ATP2C1: variants seen among roughly 807,000 people sequenced by gnomAD.
The protein encoded by ATP2C1 is calcium-transporting ATPase type 2C member 1.
Under a neutral mutation model 120.5 loss-of-function variants are expected in ATP2C1, and 31 were observed. The observed-to-expected ratio is 0.26, with a 90% CI of 0.19 to 0.35. ATP2C1 has a LOEUF of 0.35. Among genes scored for constraint, ATP2C1 ranks in the 10% least tolerant of loss-of-function variants. The pLI, the probability that ATP2C1 is intolerant of heterozygous loss-of-function variation, is 1.00. For missense variants in ATP2C1, 731 were observed against 1,107.5 expected (o/e 0.66, Z 4.83); for synonymous variants, 351 against 358.7 (o/e 0.98, Z 0.24).
intron 1 of ATP2C1, among the ~76,000 whole-genome samples, chr3:130,878,652 G>A (rs1334195483): frequency 1.3e-5 from 2 of 152,044 alleles, no homozygotes; most frequent in African/African-American, 4.8e-5. Flanking sequence ...AGCTTTGCTG[G>A]GTATAGTATT....
intron 26 of ATP2C1, among the ~76,000 whole-genome samples, chr3:131,010,875 C>T (rs1365040182): frequency 6.6e-6 from 1 of 152,214 alleles, no homozygotes; most frequent in African/African-American, 2.4e-5. Flanking sequence ...CTCACTTCTT[C>T]CCACATTCCT....
chr3:130,965,840 A>G (rs1301923813), intron 14 of ATP2C1, among the ~76,000 whole-genome samples: 1 of 152,048 alleles, frequency 6.6e-6, no homozygotes, highest in African/African-American at 2.4e-5. Flanking sequence ...CCTTTTCCCC[A>G]TTATAAGAGA....
intron 4 of ATP2C1, among the ~76,000 whole-genome samples, chr3:130,933,679 G>A (rs62282194): frequency 0.11 from 16,505 of 152,184 alleles, 1,029 homozygotes; most frequent in East Asian, 0.18. Flanking sequence ...CTTGGGGAGT[G>A]CTTAAAAAAT....
At chr3:130,938,973 A>G in intron 6 of ATP2C1, among the ~76,000 whole-genome samples, 1 of 152,348 alleles carries the variant, frequency 6.6e-6, no homozygotes, top group African/African-American at 2.4e-5. Flanking sequence ...ATTAAATGCT[A>G]TGGCTGAGAC....
intron 2 of ATP2C1, among the ~76,000 whole-genome samples, chr3:130,923,864 CAAAAA>C (rs59951169): frequency 2.2e-5 from 2 of 89,046 alleles, no homozygotes; most frequent in Non-Finnish European, 2.5e-5. Flanking sequence ...GACTCTGTCT[CAAAAA>C]AAAAAAAAAA....
chr3:130,968,925 A>G (rs1452955735), intron 16 of ATP2C1, among the ~76,000 whole-genome samples: 2 of 152,118 alleles, frequency 1.3e-5, no homozygotes, highest in East Asian at 3.9e-4. Context: ...GAGAGATTTA[A>G]TCTAAAACTT....
chr3:130,870,189 C>T (rs1387253510), intron 1 of ATP2C1, among the ~76,000 whole-genome samples: 1 of 152,118 alleles, frequency 6.6e-6, no homozygotes, highest in Non-Finnish European at 1.5e-5. Flanking sequence ...AAATAGATTC[C>T]TTTCAAAATA....
At chr3:130,874,123 A>G (rs906695764) in intron 1 of ATP2C1, among the ~76,000 whole-genome samples, 2 of 149,082 alleles carry the variant, frequency 1.3e-5, no homozygotes, top group African/African-American at 5.1e-5. Context: ...AAAAAAAAAG[A>G]AAAAAAGAAA....
intron 1 of ATP2C1, among the ~76,000 whole-genome samples, chr3:130,853,817 C>G (rs759981146): frequency 1.3e-5 from 2 of 152,190 alleles, no homozygotes; most frequent in Non-Finnish European, 2.9e-5. Context: ...CTGAGGCATA[C>G]TGGAGCCTGG....
chr3:130,870,144 A>C (rs1283404095), intron 1 of ATP2C1, among the ~76,000 whole-genome samples: 1 of 152,174 alleles, frequency 6.6e-6, no homozygotes, highest in African/African-American at 2.4e-5. Flanking sequence ...GGCTTACTGA[A>C]TATTTTAAGC....
intron 2 of ATP2C1, among the ~76,000 whole-genome samples, chr3:130,895,208 G>A (rs1363764033): frequency 2.0e-5 from 3 of 152,070 alleles, no homozygotes; most frequent in Admixed American, 1.3e-4. Flanking sequence ...AAGAAAGCAA[G>A]CCATGTTTTA....
rs181703426 is a variant in ATP2C1 at position 130,987,211 on chromosome 3, T to A, written c.1840-5740T>A. 1.6e-3 allele frequency among the ~76,000 whole-genome samples: 251 copies of A among 152,242 alleles called. 5 individuals are homozygous for A. Among genetic ancestry groups the A allele is most frequent in the Non-Finnish European group, 1.6e-3 (106 of 68,008 alleles). On this transcript the variant is annotated intron_variant, in intron 20 of 27. Coordinates refer to ENST00000510168, the MANE Select transcript of ATP2C1 (RefSeq NM_001378687.1). ...GAGTCTCACCACGTGTTGCCCAGAC[T>A]GGTCCTGAACTTCTGGGCTCAAGTG...
chr3:130,941,686 T>G lies in ATP2C1; in HGVS notation c.518T>G (p.Leu173Ter). 1 of 1,613,862 alleles carries G rather than the reference T, an allele frequency of 6.2e-7. No individual in the cohort carries two copies. Among genetic ancestry groups the G allele is most frequent in the South Asian group, 1.1e-5 (1 of 91,082 alleles). Residue 173 changes from leucine to a stop codon, truncating the protein, a stop_gained, in exon 8 of 28, where the codon TTA (leucine) becomes TGA (stop). Transcript: ENST00000510168. LOFTEE classifies it high-confidence loss of function. ...GTTGGGGATAGAGTTCCTGCTGACT[T>G]ACGCTTGTTTGAGGTAAATTTGGGA... ...LSVGDRVPADLRLFEAVDLSI... is the reference protein window; with the variant it reads ...LSVGDRVPAD
In ATP2C1 at chr3:130,977,034, C is replaced by G. The variant is rs116586004; in HGVS notation, c.1570+1546C>G. ...TACACTCCTCAACTTTCCACCTCAG[C>G]TAGGGAAAGAGAATGACAGTTAAGG... On this transcript the variant is annotated intron_variant, in intron 18 of 27. Transcript: ENST00000510168. 4.6e-3 allele frequency among the ~76,000 whole-genome samples: 693 copies of G among 152,252 alleles called. 2 individuals carry two copies. The highest frequency in any genetic ancestry group is 7.4e-3 in the Non-Finnish European group (504 of 68,020).
At chr3:130,933,050 A>T (rs950308045) in intron 4 of ATP2C1, among the ~76,000 whole-genome samples, 1 of 152,192 alleles carries the variant, frequency 6.6e-6, no homozygotes, top group Non-Finnish European at 1.5e-5. Flanking sequence ...AGACTTCAGA[A>T]AGCATTAACA....
chr3:130,895,398 C>G (rs1225864868), intron 2 of ATP2C1, among the ~76,000 whole-genome samples: 1 of 152,206 alleles, frequency 6.6e-6, no homozygotes, highest in Non-Finnish European at 1.5e-5. Context: ...CACATTAGAT[C>G]GTCATTCACA....
intron 8 of ATP2C1, among the ~76,000 whole-genome samples, chr3:130,947,437 G>A (rs1358368983): frequency 2.0e-5 from 3 of 152,036 alleles, no homozygotes; most frequent in Admixed American, 2.0e-4. Flanking sequence ...CATTCATTCT[G>A]TATTTTCCCT....
At chr3:131,005,454 G>A (rs2063071334), downstream of ATP2C1, among the ~76,000 whole-genome samples, 1 of 152,114 alleles carries the variant, frequency 6.6e-6, no homozygotes, top group African/African-American at 2.4e-5. Flanking sequence ...TGACATGACT[G>A]GACAGGAGAA....
intron 22 of ATP2C1, among the ~76,000 whole-genome samples, chr3:130,994,754 C>T (rs941881469): frequency 1.5e-4 from 23 of 151,994 alleles, no homozygotes; most frequent in Admixed American, 1.5e-3. Context: ...CTGTTTTGGC[C>T]TACAGGGAAA....
Sources: allele counts gnomAD v4.1 joint callset (sites outside exome capture counted in the v4.1 genomes callset), GRCh38; gene constraint gnomAD v4.1.1; transcripts MANE v1.5; gene names NCBI Gene and HGNC (gene_info 2026-07-23, HGNC 2026-07-21).